Variants in LRRIQ1 observed in about 807,000 individuals in gnomAD.
LRRIQ1 encodes leucine rich repeats and IQ motif containing 1.
Under a neutral mutation model 211.9 loss-of-function variants are expected in LRRIQ1, and 210 were observed. That is an observed-to-expected ratio of 0.99 (90% confidence interval 0.89 to 1.11). LRRIQ1 has a LOEUF of 1.11. LRRIQ1 is among the 50% of genes most tolerant of loss of function. The probability of loss-of-function intolerance (pLI) is 0.00; values close to 1 mark genes in which losing one functional copy is unlikely to be tolerated. For synonymous variants in LRRIQ1, 699 were observed against 650.1 expected, an observed-to-expected ratio of 1.08 and a Z score of -1.14; for missense variants, 2,136 against 1,939.5, an observed-to-expected ratio of 1.10 and a Z score of -1.90.
downstream of LRRIQ1, among the ~76,000 whole-genome samples, chr12:85,268,618 T>C (rs894435515): frequency 6.6e-6 from 1 of 151,856 alleles, no homozygotes; most frequent in African/African-American, 2.4e-5. Flanking sequence ...TAAAGAAAAA[T>C]AAAATACATA....
Position 85,156,977 on chromosome 12 carries a change from G to A in LRRIQ1, c.4720+2883G>A, listed in dbSNP as rs556216229. 4.6e-5 allele frequency among the ~76,000 whole-genome samples: 7 copies of A among 151,932 alleles called. No individual in the cohort carries two copies. The South Asian group carries it at 1.5e-3, about 32-fold the overall frequency. ...TTTCTGCCACAGAAAACCTTAGAGC[G>A]CTCAGTAGCAAGCACTTCATATTTT... On this transcript the variant is annotated intron_variant, in intron 23 of 26. Coordinates refer to ENST00000393217, the MANE Select transcript of LRRIQ1 (RefSeq NM_001079910.2).
At chr12:85,141,071 G>GT (rs1889500712) in intron 19 of LRRIQ1, among the ~76,000 whole-genome samples, 1 of 151,054 alleles carries the variant, frequency 6.6e-6, no homozygotes, top group Non-Finnish European at 1.5e-5. Context: ...ATCGTATTAT[G>GT]TTGGCCTTAT....
At chr12:85,111,968 A>ACTCT (rs67500865) in intron 15 of LRRIQ1, among the ~76,000 whole-genome samples, 5 of 149,574 alleles carry the variant, frequency 3.3e-5, no homozygotes, top group South Asian at 2.1e-4. Context: ...ACACACACAC[A>ACTCT]CTCTCTCTCT....
chr12:85,269,766 C>T, the LRRIQ1 span, among the ~76,000 whole-genome samples: 1 of 151,958 alleles, frequency 6.6e-6, no homozygotes, highest in Non-Finnish European at 1.5e-5. Flanking sequence ...ATCTGGAATA[C>T]ATTAGAATCA....
chr12:85,106,474 GTTCTAAATC>G, intron 14 of LRRIQ1, 39 bp from the exon 15 acceptor site: 1 of 1,293,114 alleles, frequency 7.7e-7, no homozygotes, highest in African/African-American at 1.5e-5. Context: ...TATGATATTT[GTTCTAAATC>G]TGTGATGATA....
At chr12:85,187,127 A>G (rs1231349362) in intron 24 of LRRIQ1, among the ~76,000 whole-genome samples, 1 of 152,138 alleles carries the variant, frequency 6.6e-6, no homozygotes, top group Non-Finnish European at 1.5e-5. Flanking sequence ...GAGAAAAAAC[A>G]TGGGAACCCA....
chr12:85,073,178 C>A, intron 11 of LRRIQ1, 80 bp downstream of exon 11: 3 of 903,394 alleles, frequency 3.3e-6, no homozygotes, highest in South Asian at 1.9e-5. Context: ...TCTAGGCAGT[C>A]ACCATCATCT....
intron 11 of LRRIQ1, among the ~76,000 whole-genome samples, chr12:85,073,761 A>G (rs144164653): frequency 8.3e-4 from 126 of 152,168 alleles, no homozygotes; most frequent in African/African-American, 2.7e-3. Context: ...GAGTGTGAGA[A>G]TAGTATACAT....
intron 24 of LRRIQ1, among the ~76,000 whole-genome samples, chr12:85,212,959 A>G (rs1156686009): frequency 6.6e-6 from 1 of 151,530 alleles, no homozygotes; most frequent in Non-Finnish European, 1.5e-5. Flanking sequence ...AAAATAACAC[A>G]GTACAGATGG....
rs761896668 is a variant in LRRIQ1 at position 85,056,081 on chromosome 12, A to C, written c.1288A>C (p.Asn430His). The part of the protein sequence containing the change: ...GDIAKNLVDE[N>H]SKKQEDVLLW... The stretch of plus-strand genomic sequence containing the variant: ...TATAGCCAAAAATCTAGTGGATGAA[A>C]ATTCAAAGAAGCAGGAAGATGTTCT... The change falls in exon 8 of 27, where the codon AAT becomes CAT. Residue 430 changes from asparagine (N) to histidine (H), a missense_variant. By Grantham distance (68) the Asn-to-His change is moderately conservative (BLOSUM62 1). Transcript: ENST00000393217. 1 of 1,596,008 alleles carries C rather than the reference A, an allele frequency of 6.3e-7. No individual in the cohort carries two copies.
chr12:85,174,306 C>G (rs1891573549), intron 24 of LRRIQ1, among the ~76,000 whole-genome samples: 1 of 151,728 alleles, frequency 6.6e-6, no homozygotes, highest in African/African-American at 2.4e-5. Context: ...AAATAAGTCT[C>G]CCAGAAACCA....
At position 85,056,547 on chromosome 12, in the gene LRRIQ1, A is replaced by C; in HGVS notation, c.1754A>C (p.Lys585Thr). 1 of 1,607,972 alleles carries C rather than the reference A, an allele frequency of 6.2e-7. No individual in the cohort carries two copies. Among genetic ancestry groups the C allele is most frequent in the South Asian group, 1.1e-5 (1 of 89,788 alleles). ...GATAATCAGCAGAAAAAGATACAAA[A>C]AGTAGAAAAAGAAGAGATACAAGAA... The part of the protein sequence containing the change: ...IKDNQQKKIQ[K>T]VEKEEIQEQN... Residue 585 changes from lysine to threonine, a missense_variant, in exon 8 of 27, where the codon AAA becomes ACA. Coordinates refer to ENST00000393217, the MANE Select transcript of LRRIQ1 (RefSeq NM_001079910.2).
chr12:85,202,611 T>C (rs1893351562), intron 24 of LRRIQ1, among the ~76,000 whole-genome samples: 1 of 152,158 alleles, frequency 6.6e-6, no homozygotes, highest in Admixed American at 6.5e-5. Context: ...AACCCCTGAT[T>C]TTTCTCTGTT....
At chr12:85,131,388 GTGTT>G (rs1888751274) in intron 18 of LRRIQ1, among the ~76,000 whole-genome samples, 1 of 151,878 alleles carries the variant, frequency 6.6e-6, no homozygotes, top group Admixed American at 6.6e-5. Flanking sequence ...TTTACTCTCA[GTGTT>G]TGTTATGTGA....
At chr12:85,101,211 TTA>T (rs1165938512) in intron 13 of LRRIQ1, among the ~76,000 whole-genome samples, 14 of 151,870 alleles carry the variant, frequency 9.2e-5, no homozygotes, top group Admixed American at 1.3e-4. Context: ...AAAGAAGATA[TTA>T]TGTGTCCATA....
intron 17 of LRRIQ1, chr12:85,124,880 A>G (rs1336423644): frequency 4.3e-6 from 1 of 235,240 alleles, no homozygotes. Context: ...TTCATTTTTT[A>G]AAAATATACC....
intron 24 of LRRIQ1, among the ~76,000 whole-genome samples, chr12:85,207,428 C>A (rs1893614877): frequency 6.6e-6 from 1 of 152,128 alleles, no homozygotes; most frequent in African/African-American, 2.4e-5. Flanking sequence ...TGATAACAGT[C>A]CTTTATCAGC....
chr12:85,046,915 A>C lies in LRRIQ1; in HGVS notation c.455-332A>C, dbSNP rs568633458. Among the ~76,000 whole-genome samples, 40 of 151,560 alleles carry C rather than the reference A, an allele frequency of 2.6e-4. No homozygotes were observed. In the South Asian group the frequency reaches 7.2e-3, roughly 27 times the overall value. ...ACTATTGCAAGGACAAAAAACCAAA[A>C]ACCGCATGTTCTCACTCATCGGTGG... On this transcript the variant is annotated intron_variant, in intron 5 of 26. Transcript: ENST00000393217.
At chr12:85,256,487 A>T (rs572535400) in intron 1 of LRRIQ1, among the ~76,000 whole-genome samples, 2 of 151,716 alleles carry the variant, frequency 1.3e-5, no homozygotes, top group Non-Finnish European at 3.0e-5. Context: ...GTGAAATAAC[A>T]TAATAAATCC....
Sources: gnomAD v4.1 joint callset for allele counts (sites outside exome capture counted in the v4.1 genomes callset) on GRCh38, gnomAD v4.1.1 for gene constraint, MANE v1.5 for transcripts, NCBI Gene and HGNC (gene_info 2026-07-23, HGNC 2026-07-21) for gene names.